Variants in GSTM5 observed in about 807,000 individuals in gnomAD.
The protein encoded by GSTM5 is GST class-mu 5.
Under a neutral mutation model 29.0 loss-of-function variants are expected in GSTM5, and 24 were observed. That is an observed-to-expected ratio of 0.83 (90% CI 0.60 to 1.16). GSTM5 has a LOEUF of 1.16. Among genes scored for constraint, GSTM5 ranks in the 50% most tolerant of loss-of-function variants. The pLI, the probability that GSTM5 is intolerant of heterozygous loss-of-function variation, is 0.00. For missense variants in GSTM5, 290 were observed against 263.0 expected, an observed-to-expected ratio of 1.10 and a Z score of -0.71; for synonymous variants, 91 against 93.6, an observed-to-expected ratio of 0.97 and a Z score of 0.16.
intron 7 of GSTM5, chr1:109,715,984 C>T (rs1483446921): frequency 6.7e-6 from 6 of 900,864 alleles, no homozygotes; most frequent in Non-Finnish European, 9.9e-6. Context: ...CACCGACCTT[C>T]TCCTCTGCAT....
In GSTM5 at chr1:109,712,702, A is replaced by C. The variant is rs201371910; in HGVS notation, c.112+9A>C. 4.3e-6 allele frequency: 7 copies of C among 1,613,544 alleles called. No homozygotes were observed. The African/African-American group carries it at 6.7e-5, about 15-fold the overall frequency. The stretch of plus-strand genomic sequence containing the variant: ...GTACACGCTGGGGGACGGTAATGGC[A>C]CCCTCGTGTCCGGGCCCTGCCCACT... On this transcript the variant is annotated intron_variant, in intron 2 of 7. Coordinates refer to ENST00000256593, the MANE Select transcript of GSTM5 (RefSeq NM_000851.4).
At chr1:109,717,308 T>C in intron 7 of GSTM5, 29 bp from the exon 8 acceptor site, 2 of 1,572,954 alleles carry the variant, frequency 1.3e-6, no homozygotes, top group Non-Finnish European at 1.8e-6. Context: ...ACAGCAGACC[T>C]GGCTCTGGCC....
rs200263181 is a variant in GSTM5 at position 109,715,156 on chromosome 1, T to A, written c.483T>A (p.Tyr161Ter). Residue 161 changes from tyrosine (Y) to a stop codon, truncating the protein, a stop_gained, in exon 7 of 8, where the codon TAT becomes TAA. Transcript: ENST00000256593. LOFTEE classifies it high-confidence loss of function. ...TCACCTTTGTGGATTTCCTTGCCTATGATGTCCTTGACATGAAGCGTATAT... is the reference window on the plus strand; with the variant it reads ...TCACCTTTGTGGATTTCCTTGCCTAAGATGTCCTTGACATGAAGCGTATAT... ...DKITFVDFLA[Y>*]DVLDMKRIFE... 2.3e-5 allele frequency: 37 copies of A among 1,614,138 alleles called. No homozygotes were observed. The South Asian group carries it at 3.5e-4, about 15-fold the overall frequency.
At chr1:109,712,841 TG>T in intron 2 of GSTM5, 148 bp downstream of exon 2, 1 of 1,000,470 alleles carries the variant, frequency 1.0e-6, no homozygotes, top group Non-Finnish European at 1.6e-6. Flanking sequence ...GTGAGCCCTC[TG>T]GCCTTGCAAG....
In GSTM5 at chr1:109,717,284, T is replaced by C. The variant is rs567098777; in HGVS notation, c.568-53T>C. ...CCTGCTGTGCCTGCAGCAAAGCTAC[T>C]TGAGCCCTTCTAGACAGCAGACCTG... On this transcript the variant is annotated intron_variant, in intron 7 of 7. Coordinates refer to ENST00000256593, the MANE Select transcript of GSTM5 (RefSeq NM_000851.4). 45 of 1,386,780 alleles carry C rather than the reference T, an allele frequency of 3.2e-5. No individual in the cohort carries two copies. The South Asian group carries it at 4.7e-4, about 15-fold the overall frequency. 85.9% of individuals were successfully genotyped at this position (1,386,780 alleles called of 1,614,324 possible). A position where few individuals can be genotyped will look rare whatever the true frequency, so the allele number is the denominator to read the frequency against.
chr1:109,715,365 G>A (rs1355122935), intron 7 of GSTM5, 125 bp downstream of exon 7: 3 of 1,596,590 alleles, frequency 1.9e-6, no homozygotes, highest in East Asian at 4.5e-5. Context: ...TTCATGCCAG[G>A]AATCATGCCC....
rs755411906 is a variant in GSTM5, at chr1:109,712,346, G to C, written c.34G>C (p.Gly12Arg). 1.9e-6 allele frequency: 3 copies of C among 1,614,098 alleles called. No individual in the cohort carries two copies. Among genetic ancestry groups the C allele is most frequent in the Admixed American group, 3.3e-5 (2 of 60,026 alleles). ...PMTLGYWDIR[G>R]LAHAIRLLLE... ...GACTCTGGGGTACTGGGACATCCGT[G>C]GGGTAAGCGAGGGTCCTCTGGTGGG... is the stretch of plus-strand genomic sequence containing the variant. Residue 12 changes from glycine to arginine, a missense_variant and splice_region_variant, in exon 1 of 8, where the codon GGG (glycine) becomes CGG (arginine). Transcript: ENST00000256593.
chr1:109,717,676 G>A lies in GSTM5; in HGVS notation c.*250G>A, dbSNP rs952807205. ...AACGTCTTCCTTTCCCTGCACTAAC[G>A]CCAACCTGACTGCTTTTCCTGTCAG... On this transcript the variant is annotated 3_prime_UTR_variant, in exon 8 of 8. Transcript: ENST00000256593. 3 of 443,274 alleles carry A rather than the reference G, an allele frequency of 6.8e-6. No homozygotes were observed. The highest frequency in any genetic ancestry group is 3.6e-5 in the Admixed American group (1 of 28,148). The allele number at this position is 443,274 out of a possible 1,614,324, so 27.5% of individuals were successfully genotyped here. A position where few individuals can be genotyped will look rare whatever the true frequency, so the allele number is the denominator to read the frequency against.
chr1:109,715,637 A>G (rs1648719835), intron 7 of GSTM5: 1 of 731,132 alleles, frequency 1.4e-6, no homozygotes, highest in South Asian at 2.0e-5. Flanking sequence ...GAACACTTTG[A>G]AAGAGGCAGA....
In GSTM5 at chr1:109,715,026, G is replaced by A; in HGVS notation, c.440G>A (p.Trp147Ter). ...TCAGAGTTTCTGGGGAAGCGGCCATGGTTTGCAGGAGACAAGGTAAAGGAG... is the reference window on the plus strand; with the variant it reads ...TCAGAGTTTCTGGGGAAGCGGCCATAGTTTGCAGGAGACAAGGTAAAGGAG... ...LYSEFLGKRP[W>*]FAGDKITFVD... Residue 147 changes from tryptophan to a stop codon, truncating the protein, a stop_gained, in exon 6 of 8, where the codon TGG (tryptophan) becomes TAG (stop). Transcript: ENST00000256593. LOFTEE classifies it high-confidence loss of function. 6.2e-7 allele frequency: 1 copy of A among 1,614,256 alleles called. No homozygotes were observed.
In GSTM5 at chr1:109,712,664, A is replaced by G. The variant is rs1173845635; in HGVS notation, c.83A>G (p.Tyr28Cys). The G allele has an allele frequency of 6.2e-7, 1 of 1,614,104 alleles. No homozygotes were observed. The highest frequency in any genetic ancestry group is 1.3e-5 in the African/African-American group (1 of 75,042). The change falls in exon 2 of 8, where the codon TAT (tyrosine) becomes TGT (cysteine). Residue 28 changes from tyrosine (Y) to cysteine (C), a missense_variant. Transcript: ENST00000256593. ...RLLLEYTDSS[Y>C]VEKKYTLGDA... ...CTCCTGGAATACACAGACTCAAGCT[A>G]TGTGGAAAAGAAGTACACGCTGGGG...
In GSTM5 at chr1:109,713,674, A is replaced by C. The variant is rs1553236985; in HGVS notation, c.273A>C (p.Glu91Asp). ...TGTGGGTGGCAGGTGGGGAGACAGA[A>C]GAGGAGAAGATTCGTGTGGACATTT... ...ARKHNLCGET[E>D]EEKIRVDILE... The change falls in exon 5 of 8, where the codon GAA becomes GAC. Residue 91 changes from glutamate to aspartate, a missense_variant. Coordinates refer to ENST00000256593, the MANE Select transcript of GSTM5 (RefSeq NM_000851.4). 2 of 1,614,182 alleles carry C rather than the reference A, an allele frequency of 1.2e-6. No individual in the cohort carries two copies. Among genetic ancestry groups the C allele is most frequent in the Non-Finnish European group, 1.7e-6 (2 of 1,180,032 alleles).
chr1:109,715,526 C>T, intron 7 of GSTM5: 4 of 1,445,896 alleles, frequency 2.8e-6, no homozygotes, highest in Non-Finnish European at 3.6e-6. Context: ...CTGTGCTGGG[C>T]TCCCTGTGAG....
At chr1:109,712,848 G>A in intron 2 of GSTM5, 155 bp downstream of exon 2, 4 of 965,212 alleles carry the variant, frequency 4.1e-6, no homozygotes, top group Non-Finnish European at 6.6e-6. Flanking sequence ...CTCTGGCCTT[G>A]CAAGGCAGAA....
rs1346083548 is a variant in GSTM5 at position 109,715,736 on chromosome 1, A to G, written c.567+496A>G. 7.1e-6 allele frequency: 3 copies of G among 422,522 alleles called. No individual in the cohort carries two copies. In the Admixed American group the frequency reaches 1.1e-4, roughly 16 times the overall value. 26.2% of individuals were successfully genotyped at this position (422,522 alleles called of 1,614,324 possible). A position where few individuals can be genotyped will look rare whatever the true frequency, so the allele number is the denominator to read the frequency against. On this transcript the variant is annotated intron_variant, in intron 7 of 7. Coordinates refer to ENST00000256593, the MANE Select transcript of GSTM5 (RefSeq NM_000851.4). ...AGTACTAAACCTGCAGGCAGTATTC[A>G]TAGCCACCCCCAGAAGCTTTGCATG...
chr1:109,712,103 C>G (rs1339048298), upstream of GSTM5, among the ~76,000 whole-genome samples: 9 of 152,170 alleles, frequency 5.9e-5, no homozygotes, highest in South Asian at 2.1e-4. Context: ...GACCTCGCTC[C>G]CGGAACCCTG....
intron 2 of GSTM5, 77 bp from the exon 3 acceptor site, chr1:109,713,042 A>G (rs987127798): frequency 1.9e-6 from 3 of 1,560,380 alleles, no homozygotes; most frequent in South Asian, 1.1e-5. Flanking sequence ...GGATCTTGCC[A>G]CTGGCTCCTT....
In GSTM5 at chr1:109,712,646, A is replaced by T. The variant is rs1176643254; in HGVS notation, c.65A>T (p.Glu22Val). The T allele has an allele frequency of 1.2e-6, 2 of 1,614,146 alleles. No individual in the cohort carries two copies. The highest frequency in any genetic ancestry group is 3.3e-5 in the Admixed American group (2 of 60,026). Residue 22 changes from glutamate (E) to valine (V), a missense_variant, in exon 2 of 8, where the codon GAA becomes GTA. Glu to Val is a moderately radical substitution (Grantham distance 121). Transcript: ENST00000256593. ...GLAHAIRLLL[E>V]YTDSSYVEKK... ...GCCCACGCCATCCGCTTGCTCCTGG[A>T]ATACACAGACTCAAGCTATGTGGAA... is the stretch of plus-strand genomic sequence containing the variant.
chr1:109,714,649 C>T, intron 5 of GSTM5: 1 of 452,174 alleles, frequency 2.2e-6, no homozygotes, highest in Non-Finnish European at 4.0e-6. Flanking sequence ...CTGTCTGGAT[C>T]CAGAGGCTGC....
Sources: gnomAD v4.1 joint callset for allele counts (sites outside exome capture counted in the v4.1 genomes callset) on GRCh38, gnomAD v4.1.1 for gene constraint, MANE v1.5 for transcripts, NCBI Gene and HGNC (gene_info 2026-07-23, HGNC 2026-07-21) for gene names.